Variants in MARCHF2 observed in about 807,000 individuals in gnomAD.
MARCHF2 encodes E3 ubiquitin-protein ligase MARCHF2.
A neutral mutation model predicts 24.0 loss-of-function variants in MARCHF2; 22 were observed. The observed-to-expected ratio is 0.92, with a 90% CI of 0.66 to 1.31. The LOEUF is 1.31. MARCHF2 is among the 50% of genes most tolerant of loss of function. The probability of loss-of-function intolerance (pLI) is 0.00; values close to 1 mark genes in which losing one functional copy is unlikely to be tolerated. For synonymous variants in MARCHF2, 154 were observed against 153.0 expected (o/e 1.01, Z -0.05); for missense variants, 301 against 335.3 (o/e 0.90, Z 0.80).
At chr19:8,415,169 C>A (rs148436164) in intron 1 of MARCHF2, among the ~76,000 whole-genome samples, 6 of 151,922 alleles carry the variant, frequency 3.9e-5, no homozygotes, top group Non-Finnish European at 7.4e-5. Context: ...GAGGCCAAGG[C>A]GGGCAGATCA....
At chr19:8,437,068 C>T (rs1186910174) in intron 4 of MARCHF2, among the ~76,000 whole-genome samples, 3 of 151,274 alleles carry the variant, frequency 2.0e-5, no homozygotes, top group Non-Finnish European at 4.4e-5. Flanking sequence ...CAGCGTCAAC[C>T]TCCAGGGCTC....
At chr19:8,421,161 C>T (rs1290890848) in intron 1 of MARCHF2, among the ~76,000 whole-genome samples, 4 of 146,912 alleles carry the variant, frequency 2.7e-5, no homozygotes, top group African/African-American at 5.0e-5. Flanking sequence ...CTTGCTCTGT[C>T]GCCCAGGCTG....
intron 1 of MARCHF2, among the ~76,000 whole-genome samples, chr19:8,418,964 A>G (rs1227581694): frequency 6.6e-6 from 1 of 151,876 alleles, no homozygotes; most frequent in Admixed American, 6.6e-5. Flanking sequence ...TGGACATTGT[A>G]GCTCTTGGGG....
intron 1 of MARCHF2, among the ~76,000 whole-genome samples, chr19:8,421,382 C>CTTTTTTTTTTTTTTTCTT (rs1967235207): frequency 9.0e-6 from 1 of 111,622 alleles, no homozygotes; most frequent in Non-Finnish European, 1.8e-5. Context: ...TCTTTCTTTT[C>CTTTTTTTTTTTTTTTCTT]TTTTTTTTTT....
At chr19:8,414,901 C>T (rs12981765) in intron 1 of MARCHF2, among the ~76,000 whole-genome samples, 1,590 of 152,258 alleles carry the variant, frequency 0.01, 13 homozygotes, top group South Asian at 0.017. Context: ...CACCCAGCAT[C>T]GGTGGCATAG....
intron 2 of MARCHF2, among the ~76,000 whole-genome samples, chr19:8,424,254 T>C (rs950382584): frequency 8.5e-5 from 13 of 152,128 alleles, no homozygotes; most frequent in Non-Finnish European, 1.9e-4. Flanking sequence ...TTATTTCTAT[T>C]TCCCCCTCAC....
chr19:8,438,329 C>A, intron 4 of MARCHF2, 59 bp from the exon 5 acceptor site: 4 of 1,582,720 alleles, frequency 2.5e-6, no homozygotes, highest in South Asian at 1.1e-5. Flanking sequence ...GCCACCACGG[C>A]GACTTGTTTT....
At position 8,430,396 on chromosome 19, in the gene MARCHF2, A is replaced by C. The variant is rs1400198818; in HGVS notation, c.373-262A>C. Among the ~76,000 whole-genome samples, 1 of 152,010 alleles carries C rather than the reference A, an allele frequency of 6.6e-6. No individual in the cohort carries two copies. Among genetic ancestry groups the C allele is most frequent in the Non-Finnish European group, 1.5e-5 (1 of 68,010 alleles). Reference sequence around the variant, plus strand: ...TATATACATACAAAATTAGCCGTGCATGGTGGCGCTTGCCTGTAATCCCAG... The same window carrying C: ...TATATACATACAAAATTAGCCGTGCCTGGTGGCGCTTGCCTGTAATCCCAG... On this transcript the variant is annotated intron_variant, in intron 3 of 4. Coordinates refer to ENST00000215555, the MANE Select transcript of MARCHF2 (RefSeq NM_001005415.2). This position sits in a 1 kb window ranked among gnomAD's most constrained non-coding sequence, Gnocchi z 4.4.
chr19:8,438,651 G>A lies in MARCHF2; in HGVS notation c.*105G>A, dbSNP rs1967797113. On this transcript the variant is annotated 3_prime_UTR_variant, in exon 5 of 5. Transcript: ENST00000215555. Reference sequence around the variant, plus strand: ...CAACACTTCCACTTCAACAGTTCCCGCACGGCCTGAACGCTTCTTAGGCCA... The same window carrying A: ...CAACACTTCCACTTCAACAGTTCCCACACGGCCTGAACGCTTCTTAGGCCA... 19 of 1,277,518 alleles carry A rather than the reference G, an allele frequency of 1.5e-5. No homozygotes were observed. In the South Asian group the frequency reaches 2.0e-4, roughly 13 times the overall value. 79.1% of individuals were successfully genotyped at this position (1,277,518 alleles called of 1,614,324 possible). A position where few individuals can be genotyped will look rare whatever the true frequency, so the allele number is the denominator to read the frequency against.
At chr19:8,437,823 C>A (rs566222235) in intron 4 of MARCHF2, among the ~76,000 whole-genome samples, 1 of 151,840 alleles carries the variant, frequency 6.6e-6, no homozygotes, top group African/African-American at 2.4e-5. Context: ...CGGCTCACTG[C>A]GGCCCATATC....
At chr19:8,415,593 C>T (rs1967055420) in intron 1 of MARCHF2, among the ~76,000 whole-genome samples, 1 of 150,722 alleles carries the variant, frequency 6.6e-6, no homozygotes, top group Non-Finnish European at 1.5e-5. Context: ...GGGTGGAGGG[C>T]ACCGGTAATC....
rs755300579 is a variant in MARCHF2, at chr19:8,438,349, C to G, written c.583-39C>G. ...CACGGCGACTTGTTTTCCTCCCTTG[C>G]GGGTGGAGGCCTCCGCTCACTGCAG... On this transcript the variant is annotated intron_variant, in intron 4 of 4. Transcript: ENST00000215555. The G allele has an allele frequency of 7.5e-6, 12 of 1,604,898 alleles. No homozygotes were observed. The African/African-American group carries it at 8.0e-5, about 11-fold the overall frequency.
rs764793873 is a variant in MARCHF2 at position 8,430,619 on chromosome 19, C to G, written c.373-39C>G. ...CCCCTCCCCCTCAGTAGCCCCTTCTCTGCCCCCTCTCCTCTGCCCCCTATC... is the reference window on the plus strand; with the variant it reads ...CCCCTCCCCCTCAGTAGCCCCTTCTGTGCCCCCTCTCCTCTGCCCCCTATC... On this transcript the variant is annotated intron_variant, in intron 3 of 4. Coordinates refer to ENST00000215555, the MANE Select transcript of MARCHF2 (RefSeq NM_001005415.2). This position sits in a 1 kb window ranked among gnomAD's most constrained non-coding sequence, Gnocchi z 4.4. The G allele has an allele frequency of 1.3e-6, 2 of 1,563,954 alleles. No individual in the cohort carries two copies. The highest frequency in any genetic ancestry group is 1.7e-6 in the Non-Finnish European group (2 of 1,146,362).
intron 1 of MARCHF2, chr19:8,418,385 T>A (rs1443689998): frequency 6.6e-6 from 1 of 152,328 alleles, no homozygotes; most frequent in Non-Finnish European, 1.5e-5. Context: ...GGAAGGCTGC[T>A]GGCTGAGCTG....
At chr19:8,434,251 A>G (rs1967656342) in intron 4 of MARCHF2, among the ~76,000 whole-genome samples, 7 of 151,644 alleles carry the variant, frequency 4.6e-5, no homozygotes, top group Admixed American at 4.6e-4. Flanking sequence ...CACCCAGCCA[A>G]TTTTTATATT....
chr19:8,427,988 C>T (rs1237668229), intron 3 of MARCHF2, among the ~76,000 whole-genome samples: 4 of 151,818 alleles, frequency 2.6e-5, no homozygotes, highest in Admixed American at 1.3e-4. Flanking sequence ...GGGCTGGGCA[C>T]GGTGGCTCAT....
At chr19:8,419,724 G>C (rs945885758) in intron 1 of MARCHF2, among the ~76,000 whole-genome samples, 2 of 148,344 alleles carry the variant, frequency 1.3e-5, no homozygotes, top group African/African-American at 2.5e-5. Context: ...GCTGAGGCAG[G>C]AGAATGGCGT....
chr19:8,415,585 G>T (rs1367730255), intron 1 of MARCHF2, among the ~76,000 whole-genome samples: 1 of 151,156 alleles, frequency 6.6e-6, no homozygotes, highest in Non-Finnish European at 1.5e-5. Context: ...CCAGCTGTGG[G>T]TGGAGGGCAC....
intron 2 of MARCHF2, among the ~76,000 whole-genome samples, chr19:8,422,766 G>A (rs1314347883): frequency 2.2e-5 from 3 of 138,420 alleles, no homozygotes; most frequent in Non-Finnish European, 4.6e-5. Flanking sequence ...GTACAGTGGC[G>A]TGATCTCGGC....
Sources: gnomAD v4.1 joint callset for allele counts (sites outside exome capture counted in the v4.1 genomes callset) on GRCh38, gnomAD v4.1.1 for gene constraint, Gnocchi (gnomAD v3.1) non-coding constraint, MANE v1.5 for transcripts, NCBI Gene and HGNC (gene_info 2026-07-23, HGNC 2026-07-21) for gene names.